Variants in PDE8A observed in about 807,000 individuals in gnomAD.
PDE8A encodes high affinity cAMP-specific and IBMX-insensitive 3',5'-cyclic phosphodiesterase 8A.
In PDE8A, 59 loss-of-function variants were observed where a neutral mutation model predicts 105.0. The ratio of observed to expected loss-of-function variants is 0.56; its 90% CI spans 0.46 to 0.70. The LOEUF is 0.70. Ranked by LOEUF, PDE8A falls within the 30% of genes least tolerant of loss-of-function variation. PDE8A has a pLI of 0.00. For missense variants in PDE8A, 1,014 were observed against 1,045.9 expected (o/e 0.97, Z 0.42); for synonymous variants, 355 against 371.9 (o/e 0.95, Z 0.52).
At chr15:85,067,834 G>A (rs1175649706) in intron 3 of PDE8A, among the ~76,000 whole-genome samples, 1 of 152,066 alleles carries the variant, frequency 6.6e-6, no homozygotes, top group African/African-American at 2.4e-5. Flanking sequence ...TTATTTATGG[G>A]GTATGTGGTG....
intron 1 of PDE8A, among the ~76,000 whole-genome samples, chr15:85,005,527 C>T (rs1167711531): frequency 6.6e-6 from 1 of 152,036 alleles, no homozygotes; most frequent in African/African-American, 2.4e-5. Flanking sequence ...AAAAATATGC[C>T]CCCTGGTGTT....
intron 1 of PDE8A, among the ~76,000 whole-genome samples, chr15:84,987,408 T>C (rs1343908242): frequency 2.6e-5 from 4 of 151,528 alleles, no homozygotes; most frequent in Admixed American, 2.6e-4. Flanking sequence ...AAATGTTTCC[T>C]GTGAAGTGGC....
intron 1 of PDE8A, among the ~76,000 whole-genome samples, chr15:85,020,286 A>G (rs1209191096): frequency 3.9e-5 from 6 of 152,026 alleles, no homozygotes; most frequent in East Asian, 1.9e-4. Flanking sequence ...TTTTCCTCAT[A>G]CTTCTCACAG....
chr15:85,055,345 G>A (rs988456681), intron 1 of PDE8A, among the ~76,000 whole-genome samples: 3 of 152,170 alleles, frequency 2.0e-5, no homozygotes, highest in African/African-American at 7.2e-5. Flanking sequence ...GCAGAGCTGA[G>A]TTCAATTCCT....
At position 85,076,712 on chromosome 15, in the gene PDE8A, CT is replaced by C. The variant is rs754077073; in HGVS notation, c.492-18del. ...AATTGATAAAAACTATGTCTATGTT[CT>C]TTACTGTGTTATTTTGAAGGGTGGA... On this transcript the variant is annotated intron_variant, in intron 4 of 21. Transcript: ENST00000394553. The C allele has an allele frequency of 2.4e-4, 371 of 1,514,580 alleles. No homozygotes were observed. Among genetic ancestry groups the C allele is most frequent in the Non-Finnish European group, 3.3e-4 (360 of 1,089,630 alleles). 93.8% of individuals were successfully genotyped at this position (1,514,580 alleles called of 1,614,324 possible).
In PDE8A at chr15:85,120,839, G is replaced by C. The variant is rs761034681; in HGVS notation, c.1777G>C (p.Ala593Pro). The C allele has an allele frequency of 6.2e-7, 1 of 1,614,010 alleles. No homozygotes were observed. Among genetic ancestry groups the C allele is most frequent in the Non-Finnish European group, 8.5e-7 (1 of 1,179,898 alleles). Reference protein sequence around the residue: ...PIDEVAALIAATIHDVDHPGR... With the variant: ...PIDEVAALIAPTIHDVDHPGR... ...TGATGAGGTCGCTGCACTCATCGCAGCCACCATTCATGATGTGGATCACCC... is the reference window on the plus strand; with the variant it reads ...TGATGAGGTCGCTGCACTCATCGCACCCACCATTCATGATGTGGATCACCC... The change falls in exon 18 of 22, where the codon GCC (alanine) becomes CCC (proline). Residue 593 changes from alanine to proline, a missense_variant. By Grantham distance (27) the Ala-to-Pro change is conservative. Transcript: ENST00000394553.
intron 1 of PDE8A, among the ~76,000 whole-genome samples, chr15:85,003,746 T>G (rs1188341671): frequency 2.0e-5 from 3 of 152,226 alleles, no homozygotes; most frequent in Admixed American, 6.5e-5. Context: ...CCAGTTGACG[T>G]TCTCCCTTAC....
intron 12 of PDE8A, among the ~76,000 whole-genome samples, chr15:85,111,742 A>C (rs1191818111): frequency 2.0e-5 from 3 of 152,180 alleles, no homozygotes; most frequent in African/African-American, 7.2e-5. Context: ...TTGTTTTCAG[A>C]GTGCCTTAAA....
At chr15:85,033,578 G>A (rs577043575) in intron 1 of PDE8A, among the ~76,000 whole-genome samples, 22 of 152,054 alleles carry the variant, frequency 1.4e-4, no homozygotes, top group Admixed American at 7.9e-4. Context: ...CAAATAGCTG[G>A]TCCAAGCCAG....
intron 6 of PDE8A, among the ~76,000 whole-genome samples, chr15:85,084,126 A>G (rs534836786): frequency 6.6e-6 from 1 of 152,224 alleles, no homozygotes; most frequent in African/African-American, 2.4e-5. Flanking sequence ...AAAAATTAAT[A>G]TAATTTTATC....
At chr15:85,009,076 G>C (rs1035768104) in intron 1 of PDE8A, among the ~76,000 whole-genome samples, 1 of 150,614 alleles carries the variant, frequency 6.6e-6, no homozygotes, top group African/African-American at 2.5e-5. Flanking sequence ...TTCACTTCCT[G>C]GTGTGTTAGT....
chr15:85,115,845 G>A (rs542640783), intron 15 of PDE8A, 139 bp from the exon 16 acceptor site: 31 of 705,942 alleles, frequency 4.4e-5, no homozygotes, highest in African/African-American at 1.6e-4. Context: ...ACTTGAACCC[G>A]GGAGGCGGAG....
intron 8 of PDE8A, 118 bp downstream of exon 8, chr15:85,091,299 T>C (rs2081639616): frequency 3.5e-6 from 3 of 868,688 alleles, no homozygotes; most frequent in Non-Finnish European, 5.0e-6. Flanking sequence ...CCCAGGGAAG[T>C]ATAGGGAATG....
At chr15:85,024,553 T>G (rs2080482063) in intron 1 of PDE8A, among the ~76,000 whole-genome samples, 1 of 152,106 alleles carries the variant, frequency 6.6e-6, no homozygotes, top group Admixed American at 6.5e-5. Context: ...TAGGCTTTTT[T>G]TTTTTCTTTT....
chr15:85,099,055 T>C (rs2081811082), intron 9 of PDE8A, among the ~76,000 whole-genome samples: 2 of 152,250 alleles, frequency 1.3e-5, no homozygotes, highest in Middle Eastern at 3.4e-3. Flanking sequence ...ATCTCAATCA[T>C]GTAAAGAAAA....
chr15:85,124,586 C>A (rs2082231080), intron 19 of PDE8A, among the ~76,000 whole-genome samples: 1 of 152,182 alleles, frequency 6.6e-6, no homozygotes, highest in Admixed American at 6.5e-5. Context: ...TGTCTGCCCC[C>A]TGGTTTTCTA....
At chr15:85,105,973 G>A (rs1057135939) in intron 11 of PDE8A, among the ~76,000 whole-genome samples, 2 of 152,290 alleles carry the variant, frequency 1.3e-5, no homozygotes, top group African/African-American at 4.8e-5. Context: ...CCCACTGGGC[G>A]AAAATTGCTA....
chr15:85,120,571 C>T lies in PDE8A; in HGVS notation c.1735-226C>T, dbSNP rs193004951. 472 of 434,604 alleles carry T rather than the reference C, an allele frequency of 1.1e-3. 1 individual carries two copies. Among genetic ancestry groups the T allele is most frequent in the African/African-American group, 8.6e-3 (433 of 50,520 alleles). 26.9% of individuals were successfully genotyped at this position (434,604 alleles called of 1,614,324 possible). A position where few individuals can be genotyped will look rare whatever the true frequency, so the allele number is the denominator to read the frequency against. On this transcript the variant is annotated intron_variant, in intron 17 of 21. Transcript: ENST00000394553. Reference sequence around the variant, plus strand: ...GGAGGTGACTCCTATCTGTTGAGAACACCTGTATTTTGGTAAGTCCTTAAC... The same window carrying T: ...GGAGGTGACTCCTATCTGTTGAGAATACCTGTATTTTGGTAAGTCCTTAAC...
chr15:84,997,217 A>T (rs926300308), intron 1 of PDE8A, among the ~76,000 whole-genome samples: 2 of 151,864 alleles, frequency 1.3e-5, no homozygotes, highest in East Asian at 3.9e-4. Flanking sequence ...TTTTTGAGAC[A>T]GGGTCTCACT....
Sources: allele counts gnomAD v4.1 joint callset (sites outside exome capture counted in the v4.1 genomes callset), GRCh38; gene constraint gnomAD v4.1.1; transcripts MANE v1.5; gene names NCBI Gene and HGNC (gene_info 2026-07-23, HGNC 2026-07-21).